Variants in MEGF6 observed in about 807,000 individuals in gnomAD.
MEGF6 encodes multiple EGF like domains 6, also known as multiple epidermal growth factor-like domains protein 6.
In MEGF6, 184 loss-of-function variants were observed where a neutral mutation model predicts 207.1. The observed-to-expected ratio is 0.89, with a 90% CI of 0.79 to 1.00. MEGF6 has a LOEUF of 1.00. Ranked by LOEUF, MEGF6 falls within the 50% of genes least tolerant of loss-of-function variation. MEGF6 has a pLI of 0.00. For synonymous variants in MEGF6, 1,038 were observed against 910.0 expected (o/e 1.14, Z -2.53); for missense variants, 2,282 against 2,202.9 (o/e 1.04, Z -0.72).
rs1446947747 is a variant in MEGF6 at position 3,594,753 on chromosome 1, C to G, written c.376+585G>C. On this transcript the variant is annotated intron_variant, in intron 3 of 36. Transcript: ENST00000356575. The surrounding 1 kb of genome is among the most constrained non-coding windows in gnomAD (Gnocchi z 4.2). The stretch of plus-strand genomic sequence containing the variant: ...CCCGCTCAGCTCAGACCACCCAATT[C>G]CAGTCCTGGGCCCCCATCTCTGAGC... Among the ~76,000 whole-genome samples, 1 of 152,232 alleles carries G rather than the reference C, an allele frequency of 6.6e-6. No individual in the cohort carries two copies. Among genetic ancestry groups the G allele is most frequent in the Non-Finnish European group, 1.5e-5 (1 of 68,036 alleles).
chr1:3,579,800 T>C (rs768069216), intron 4 of MEGF6, 25 bp downstream of exon 4: 6 of 1,437,616 alleles, frequency 4.2e-6, no homozygotes, highest in Non-Finnish European at 4.6e-6. Flanking sequence ...GGCCAGGGCC[T>C]TGGTCCCCCA....
chr1:3,508,967 G>A lies in MEGF6; in HGVS notation c.1528+108C>T, dbSNP rs1641223891. The A allele has an allele frequency of 1.1e-5, 14 of 1,277,296 alleles. No individual in the cohort carries two copies. In the South Asian group the frequency reaches 2.0e-4, roughly 19 times the overall value. The allele number at this position is 1,277,296 out of a possible 1,614,324, so 79.1% of individuals were successfully genotyped here. A position where few individuals can be genotyped will look rare whatever the true frequency, so the allele number is the denominator to read the frequency against. On this transcript the variant is annotated intron_variant, in intron 12 of 36. Coordinates refer to ENST00000356575, the MANE Select transcript of MEGF6 (RefSeq NM_001409.4). Reference sequence around the variant, plus strand: ...CCTTGGTCTAACATGGCATTGCAGGGGTCCTTCCTCACGTCCCCAGCCTCT... The same window carrying A: ...CCTTGGTCTAACATGGCATTGCAGGAGTCCTTCCTCACGTCCCCAGCCTCT...
intron 4 of MEGF6, among the ~76,000 whole-genome samples, chr1:3,525,119 C>T (rs1557749452): frequency 6.6e-6 from 1 of 152,190 alleles, no homozygotes; most frequent in Non-Finnish European, 1.5e-5. Flanking sequence ...GCCTGGGCCC[C>T]CCACACCCAC....
At position 3,488,502 on chromosome 1, in the gene MEGF6, CTTCT is replaced by C. The variant is rs1640228694; in HGVS notation, c.*2022_*2025del. 6.6e-6 allele frequency among the ~76,000 whole-genome samples: 1 copy of C among 152,238 alleles called. No homozygotes were observed. ...TGAATATCTCAGAGCACCCTCCTGGCTTCTTTCTCTTCTGGCTGGAGAACGTCTC... is the reference window on the plus strand; with the variant it reads ...TGAATATCTCAGAGCACCCTCCTGGCTTCTCTTCTGGCTGGAGAACGTCTC... On this transcript the variant is annotated 3_prime_UTR_variant, in exon 37 of 37. Coordinates refer to ENST00000356575, the MANE Select transcript of MEGF6 (RefSeq NM_001409.4).
chr1:3,586,837 G>A (rs945161000), intron 3 of MEGF6, among the ~76,000 whole-genome samples: 8 of 152,272 alleles, frequency 5.3e-5, no homozygotes, highest in African/African-American at 1.4e-4. Flanking sequence ...CGGGCCCGCC[G>A]GCCTGATGGT....
intron 3 of MEGF6, among the ~76,000 whole-genome samples, chr1:3,583,342 G>A (rs796445533): frequency 0.11 from 9,977 of 94,546 alleles, 384 homozygotes; most frequent in East Asian, 0.26. Context: ...CAGACAACGC[G>A]CAGCCACCAG....
intron 18 of MEGF6, 36 bp from the exon 19 acceptor site, chr1:3,501,344 C>G: frequency 6.4e-7 from 1 of 1,567,906 alleles, no homozygotes; most frequent in Non-Finnish European, 8.6e-7. Context: ...AGTGCCCAAG[C>G]TGCCCTTGCT....
At position 3,490,338 on chromosome 1, in the gene MEGF6, T is replaced by C. The variant is rs1640301039; in HGVS notation, c.*190A>G. On this transcript the variant is annotated 3_prime_UTR_variant, in exon 37 of 37. Coordinates refer to ENST00000356575, the MANE Select transcript of MEGF6 (RefSeq NM_001409.4). ...CTCTCTTCCAGCGGCCATGCGAGGC[T>C]TCCCTCCTCAAGGCCACACCAGCCT... is the stretch of plus-strand genomic sequence containing the variant. 10 of 633,154 alleles carry C rather than the reference T, an allele frequency of 1.6e-5. No homozygotes were observed. In the South Asian group the frequency reaches 1.9e-4, roughly 12 times the overall value. The allele number at this position is 633,154 out of a possible 1,614,324, so 39.2% of individuals were successfully genotyped here. A position where few individuals can be genotyped will look rare whatever the true frequency, so the allele number is the denominator to read the frequency against.
chr1:3,500,900 G>A lies in MEGF6; in HGVS notation c.2575+66C>T, dbSNP rs1640831605. 2.5e-6 allele frequency: 4 copies of A among 1,607,826 alleles called. No homozygotes were observed. In the Admixed American group the frequency reaches 5.0e-5, roughly 20 times the overall value. Reference sequence around the variant, plus strand: ...CCCTAGTCCTCGGGGGCCCTGGGCAGAGGCCTCTCCAGGGGCTAGGAAAGG... The same window carrying A: ...CCCTAGTCCTCGGGGGCCCTGGGCAAAGGCCTCTCCAGGGGCTAGGAAAGG... On this transcript the variant is annotated intron_variant, in intron 20 of 36. Coordinates refer to ENST00000356575, the MANE Select transcript of MEGF6 (RefSeq NM_001409.4).
At chr1:3,614,400 G>A (rs763997385), upstream of MEGF6, among the ~76,000 whole-genome samples, 3 of 152,226 alleles carry the variant, frequency 2.0e-5, no homozygotes, top group Admixed American at 6.5e-5. Flanking sequence ...TCAGCCTGGC[G>A]TGTGTGTTTA....
the MEGF6 span, among the ~76,000 whole-genome samples, chr1:3,618,435 C>T: frequency 1.3e-5 from 2 of 152,120 alleles, no homozygotes; most frequent in Non-Finnish European, 1.5e-5. This position sits in a 1 kb window ranked among gnomAD's most constrained non-coding sequence, Gnocchi z 4.7. Context: ...GGGCCCCACA[C>T]GGCGAGGGGC....
At chr1:3,609,980 G>A (rs1644303630) in intron 1 of MEGF6, among the ~76,000 whole-genome samples, 1 of 152,240 alleles carries the variant, frequency 6.6e-6, no homozygotes, top group African/African-American at 2.4e-5. Flanking sequence ...GAGGTGGCTG[G>A]CTGAGCAGCG....
At chr1:3,613,503 A>G (rs1557438163), upstream of MEGF6, among the ~76,000 whole-genome samples, 1 of 152,190 alleles carries the variant, frequency 6.6e-6, no homozygotes, top group Non-Finnish European at 1.5e-5. Flanking sequence ...AACACCTTGA[A>G]GAAGTTCACC....
At chr1:3,526,243 T>C (rs968756966) in intron 4 of MEGF6, among the ~76,000 whole-genome samples, 11 of 152,026 alleles carry the variant, frequency 7.2e-5, no homozygotes, top group African/African-American at 2.7e-4. Context: ...AAGGCTAACA[T>C]GAGGGAGAGA....
At chr1:3,622,130 G>C in the MEGF6 span, among the ~76,000 whole-genome samples, 48 of 152,326 alleles carry the variant, frequency 3.2e-4, no homozygotes, top group African/African-American at 1.1e-3. Context: ...AAAAGGACAT[G>C]AGATTTAGGA....
At chr1:3,602,046 C>G (rs1343368197) in intron 2 of MEGF6, among the ~76,000 whole-genome samples, 1 of 152,250 alleles carries the variant, frequency 6.6e-6, no homozygotes, top group Non-Finnish European at 1.5e-5. Flanking sequence ...TGCACAGGCA[C>G]TCAAGTTCGG....
At chr1:3,620,986 A>G in the MEGF6 span, among the ~76,000 whole-genome samples, 3 of 152,222 alleles carry the variant, frequency 2.0e-5, no homozygotes, top group Non-Finnish European at 4.4e-5. Flanking sequence ...TTATTTCCGC[A>G]TATCAGAGAC....
rs1330500340 is a variant in MEGF6 at position 3,515,412 on chromosome 1, C to T, written c.720G>A (p.Arg240=). 5.6e-6 allele frequency: 9 copies of T among 1,611,520 alleles called. No homozygotes were observed. The highest frequency in any genetic ancestry group is 3.3e-5 in the Admixed American group (2 of 59,898). The change falls in exon 6 of 37, where the codon AGG becomes AGA. Residue 240 remains arginine (R), a synonymous_variant. Transcript: ENST00000356575. ...RPGFQLQEDG[R]HCVRRSPCAN... Reference sequence around the variant, plus strand: ...GCTGGCAGCACTCACGGACACAATGCCTGCCGTCCTCCTGGAGCTGGAACC... The same window carrying T: ...GCTGGCAGCACTCACGGACACAATGTCTGCCGTCCTCCTGGAGCTGGAACC...
At chr1:3,585,024 G>A (rs1234500645) in intron 3 of MEGF6, among the ~76,000 whole-genome samples, 2 of 152,212 alleles carry the variant, frequency 1.3e-5, no homozygotes, top group Admixed American at 1.3e-4. Context: ...AGGTGTAGGT[G>A]TGAGTGACAC....
Sources: gnomAD v4.1 joint callset for allele counts (sites outside exome capture counted in the v4.1 genomes callset) on GRCh38, gnomAD v4.1.1 for gene constraint, Gnocchi (gnomAD v3.1) non-coding constraint, MANE v1.5 for transcripts, NCBI Gene and HGNC (gene_info 2026-07-23, HGNC 2026-07-21) for gene names.